PSPC1: variants seen among roughly 807,000 people sequenced by gnomAD.
PSPC1 encodes paraspeckle component 1, also known as paraspeckle protein 1.
In PSPC1, 14 loss-of-function variants were observed where a neutral mutation model predicts 51.6. The ratio of observed to expected loss-of-function variants is 0.27; its 90% confidence interval spans 0.18 to 0.42. The LOEUF is 0.42. PSPC1 is among the 10% of genes least tolerant of loss of function. PSPC1 has a pLI of 1.00. For missense variants in PSPC1, 406 were observed against 701.1 expected, an observed-to-expected ratio of 0.58 and a Z score of 4.75; for synonymous variants, 193 against 231.9, an observed-to-expected ratio of 0.83 and a Z score of 1.53.
At chr13:19,730,967 A>AAAAAAAAAAAAAC (rs1566002424) in intron 5 of PSPC1, among the ~76,000 whole-genome samples, 1 of 140,454 alleles carries the variant, frequency 7.1e-6, no homozygotes, top group Non-Finnish European at 1.6e-5. Flanking sequence ...CAAAAAAACA[A>AAAAAAAAAAAAAC]AAAAAAAAAA....
chr13:19,752,572 TC>T (rs777877154), intron 3 of PSPC1, among the ~76,000 whole-genome samples: 3 of 151,852 alleles, frequency 2.0e-5, no homozygotes, highest in Non-Finnish European at 4.4e-5. Flanking sequence ...AATTTTTTTT[TC>T]ACTTTTTTAT....
intron 6 of PSPC1, among the ~76,000 whole-genome samples, chr13:19,724,639 G>A (rs1361558948): frequency 6.6e-6 from 1 of 152,174 alleles, no homozygotes; most frequent in Admixed American, 6.5e-5. Flanking sequence ...CGGGTCACGA[G>A]GTCAGGAGTT....
At chr13:19,760,326 G>C (rs1213870088) in intron 2 of PSPC1, among the ~76,000 whole-genome samples, 1 of 151,998 alleles carries the variant, frequency 6.6e-6, no homozygotes, top group Non-Finnish European at 1.5e-5. Context: ...TCAAGAGTTT[G>C]AGACCAACAT....
chr13:19,725,196 T>C (rs1883236129), intron 6 of PSPC1, among the ~76,000 whole-genome samples: 1 of 151,958 alleles, frequency 6.6e-6, no homozygotes, highest in African/African-American at 2.4e-5. Flanking sequence ...AAAAAGATTT[T>C]AAAATCCCAG....
intron 6 of PSPC1, among the ~76,000 whole-genome samples, chr13:19,691,153 C>T (rs1257309260): frequency 1.3e-5 from 2 of 152,150 alleles, no homozygotes; most frequent in Non-Finnish European, 2.9e-5. Context: ...TCCATTTTTC[C>T]TCCTGAAAAT....
intron 3 of PSPC1, among the ~76,000 whole-genome samples, chr13:19,754,971 A>G (rs1224558405): frequency 3.3e-5 from 5 of 152,138 alleles, no homozygotes; most frequent in Admixed American, 3.3e-4. Flanking sequence ...AGTGCCTCAC[A>G]CCTGTAAACC....
chr13:19,769,604 G>A (rs901686314), intron 2 of PSPC1, among the ~76,000 whole-genome samples: 9 of 150,296 alleles, frequency 6.0e-5, no homozygotes, highest in African/African-American at 1.5e-4. Context: ...GCATGGTGGC[G>A]CATGCCTGTA....
intron 8 of PSPC1, among the ~76,000 whole-genome samples, chr13:19,704,290 G>C (rs1237822586): frequency 6.6e-6 from 1 of 152,204 alleles, no homozygotes; most frequent in Non-Finnish European, 1.5e-5. Flanking sequence ...AGCGCCATCT[G>C]TTCATAGTAG....
intron 2 of PSPC1, among the ~76,000 whole-genome samples, chr13:19,770,890 C>T (rs968391765): frequency 2.1e-4 from 32 of 150,126 alleles, no homozygotes; most frequent in African/African-American, 6.9e-4. Context: ...GAGTGAGACT[C>T]GTCTCCAAAA....
rs546875273 is a variant in PSPC1 at position 19,724,634 on chromosome 13, C to T, written c.1158+5605G>A. On this transcript the variant is annotated intron_variant, in intron 6 of 8. Coordinates refer to ENST00000338910, the MANE Select transcript of PSPC1 (RefSeq NM_001354909.2). ...CTCTGGGAAGCCAAGGTGGGCGGGT[C>T]ACGAGGTCAGGAGTTCGAGACCAGC... Among the ~76,000 whole-genome samples the T allele has an allele frequency of 3.3e-5, 5 of 152,284 alleles. No homozygotes were observed. The East Asian group carries it at 9.7e-4, about 29-fold the overall frequency.
intron 6 of PSPC1, among the ~76,000 whole-genome samples, chr13:19,682,041 T>C (rs1877325204): frequency 2.0e-5 from 3 of 152,162 alleles, no homozygotes; most frequent in African/African-American, 7.2e-5. Flanking sequence ...AAGCCAACAT[T>C]TTCCAAGAAA....
At chr13:19,674,203 GTTGA>G (rs1475801556), downstream of PSPC1, among the ~76,000 whole-genome samples, 2 of 152,162 alleles carry the variant, frequency 1.3e-5, no homozygotes, top group Non-Finnish European at 2.9e-5. Flanking sequence ...CTCAAATCTA[GTTGA>G]CTGTAATGGC....
intron 6 of PSPC1, among the ~76,000 whole-genome samples, chr13:19,729,410 AC>A (rs1245466834): frequency 6.6e-6 from 1 of 151,864 alleles, no homozygotes; most frequent in East Asian, 1.9e-4. Flanking sequence ...GGTGGTGCGC[AC>A]CTGTAATCCC....
intron 2 of PSPC1, among the ~76,000 whole-genome samples, chr13:19,763,911 G>A (rs1887813643): frequency 3.9e-5 from 6 of 152,216 alleles, no homozygotes; most frequent in South Asian, 2.1e-4. Context: ...ACTGAGGAAC[G>A]AGAATTGCTT....
intron 8 of PSPC1, among the ~76,000 whole-genome samples, chr13:19,705,361 C>T (rs190951951): frequency 2.2e-4 from 33 of 152,248 alleles, no homozygotes; most frequent in East Asian, 3.9e-4. Flanking sequence ...GGCGTGGTGG[C>T]GCACGCCTGT....
At chr13:19,738,073 G>A (rs1885032985) in intron 5 of PSPC1, among the ~76,000 whole-genome samples, 1 of 152,060 alleles carries the variant, frequency 6.6e-6, no homozygotes, top group Admixed American at 6.6e-5. Context: ...CTGAGTGACA[G>A]GGCAAGACCT....
At chr13:19,705,269 C>A (rs1268726330) in intron 8 of PSPC1, among the ~76,000 whole-genome samples, 2 of 152,180 alleles carry the variant, frequency 1.3e-5, no homozygotes, top group Non-Finnish European at 2.9e-5. Flanking sequence ...CCGAGGCGGG[C>A]GGATCACGAG....
At chr13:19,711,133 G>A (rs1450133899) in intron 6 of PSPC1, among the ~76,000 whole-genome samples, 7 of 152,116 alleles carry the variant, frequency 4.6e-5, no homozygotes. Flanking sequence ...GAACCGCAAT[G>A]CCCAGCCCTA....
downstream of PSPC1, chr13:19,673,134 G>A (rs1170513498): frequency 2.3e-6 from 1 of 442,654 alleles, no homozygotes; most frequent in Non-Finnish European, 4.5e-6. Flanking sequence ...TTGTGCCCTT[G>A]TTTTGAACAC....
Sources: allele counts gnomAD v4.1 joint callset (sites outside exome capture counted in the v4.1 genomes callset), GRCh38; gene constraint gnomAD v4.1.1; transcripts MANE v1.5; gene names NCBI Gene and HGNC (gene_info 2026-07-23, HGNC 2026-07-21).